RILPL2: variants seen among roughly 807,000 people sequenced by gnomAD.
RILPL2 encodes RILP-like protein 2.
In RILPL2, 19 loss-of-function variants were observed where a neutral mutation model predicts 22.2. That is an observed-to-expected ratio of 0.86 (90% CI 0.60 to 1.25). RILPL2 has a LOEUF of 1.25. RILPL2 is among the 50% of genes most tolerant of loss of function. The probability of loss-of-function intolerance (pLI) is 0.00; values close to 1 mark genes in which losing one functional copy is unlikely to be tolerated. For synonymous variants in RILPL2, 123 were observed against 111.6 expected, an observed-to-expected ratio of 1.10 and a Z score of -0.64; for missense variants, 243 against 263.6, an observed-to-expected ratio of 0.92 and a Z score of 0.54.
At chr12:123,435,996 A>C in intron 1 of RILPL2, 86 bp downstream of exon 1, 1 of 1,464,536 alleles carries the variant, frequency 6.8e-7, no homozygotes, top group Non-Finnish European at 9.0e-7. Context: ...AGAAGAGAAA[A>C]GAAAAGGAAG....
At chr12:123,432,061 A>AT (rs1258778057) in intron 1 of RILPL2, among the ~76,000 whole-genome samples, 1 of 151,186 alleles carries the variant, frequency 6.6e-6, no homozygotes, top group African/African-American at 2.4e-5. Flanking sequence ...AGCCCAGCTA[A>AT]TTTTTTGTAT....
intron 3 of RILPL2, among the ~76,000 whole-genome samples, chr12:123,417,231 G>A (rs1879142794): frequency 6.6e-6 from 1 of 151,484 alleles, no homozygotes; most frequent in Non-Finnish European, 1.5e-5. Context: ...ACTGGGAGGC[G>A]GAGGTTGCAG....
Position 123,426,821 on chromosome 12 carries a change from C to A in RILPL2, c.492-3664G>T, listed in dbSNP as rs572709057. On this transcript the variant is annotated intron_variant, in intron 2 of 3. Coordinates refer to ENST00000280571, the MANE Select transcript of RILPL2 (RefSeq NM_145058.3). ...GTTTCACTGTGTTAGCCAGGATGGT[C>A]TCGATCTCCTGACCTCGTGATCTGC... 4.2e-4 allele frequency among the ~76,000 whole-genome samples: 64 copies of A among 151,640 alleles called. 2 individuals carry two copies. The highest frequency in any genetic ancestry group is 3.4e-3 in the Middle Eastern group (1 of 290).
chr12:123,410,923 A>G (rs1878955093), downstream of RILPL2: 1 of 152,120 alleles, frequency 6.6e-6, no homozygotes, highest in African/African-American at 2.4e-5. Flanking sequence ...GGGTCTCACT[A>G]TGTTGCCCAA....
chr12:123,415,532 A>G lies in RILPL2; in HGVS notation c.*359T>C, dbSNP rs1879091951. 3.7e-6 allele frequency: 1 copy of G among 269,666 alleles called. No individual in the cohort carries two copies. Among genetic ancestry groups the G allele is most frequent in the Non-Finnish European group, 7.0e-6 (1 of 142,422 alleles). 16.7% of individuals were successfully genotyped at this position (269,666 alleles called of 1,614,324 possible). A position where few individuals can be genotyped will look rare whatever the true frequency, so the allele number is the denominator to read the frequency against. On this transcript the variant is annotated 3_prime_UTR_variant, in exon 4 of 4. Coordinates refer to ENST00000280571, the MANE Select transcript of RILPL2 (RefSeq NM_145058.3). ...CCTGCTTTCTTTTCTCCCTTCTGCT[A>G]ACCATTGAAGACCAGGGTCATCCGT...
chr12:123,436,450 C>G lies in RILPL2; in HGVS notation c.-30G>C. ...ACCCAGACCCCCGCCGACCTCGGAG[C>G]TGCTGTCTTGGAGTCTCCCAAAGGT... is the stretch of plus-strand genomic sequence containing the variant. On this transcript the variant is annotated 5_prime_UTR_variant, in exon 1 of 4. Coordinates refer to ENST00000280571, the MANE Select transcript of RILPL2 (RefSeq NM_145058.3). The surrounding 1 kb of genome is among the most constrained non-coding windows in gnomAD (Gnocchi z 6.7). 3.2e-6 allele frequency: 5 copies of G among 1,538,738 alleles called. No individual in the cohort carries two copies. Among genetic ancestry groups the G allele is most frequent in the Non-Finnish European group, 4.4e-6 (5 of 1,145,142 alleles).
At chr12:123,425,654 C>CTTTT (rs531039648) in intron 2 of RILPL2, among the ~76,000 whole-genome samples, 2 of 141,686 alleles carry the variant, frequency 1.4e-5, no homozygotes, top group African/African-American at 5.2e-5. Flanking sequence ...TTAATATCTA[C>CTTTT]TTTTTTTTTT....
chr12:123,409,550 C>CCTT, the RILPL2 span, among the ~76,000 whole-genome samples: 1 of 122,186 alleles, frequency 8.2e-6, no homozygotes, highest in East Asian at 3.5e-4. Flanking sequence ...AAAGTTAATG[C>CCTT]TTTTTTTTTT....
intron 3 of RILPL2, among the ~76,000 whole-genome samples, chr12:123,422,136 T>C (rs1200267860): frequency 1.3e-5 from 2 of 151,244 alleles, no homozygotes; most frequent in Non-Finnish European, 2.9e-5. Flanking sequence ...CTCATCCTCC[T>C]GAGTAGCTGG....
In RILPL2 at chr12:123,436,521, T is replaced by C. The variant is rs1200487229; in HGVS notation, c.-101A>G. On this transcript the variant is annotated 5_prime_UTR_variant, in exon 1 of 4. Coordinates refer to ENST00000280571, the MANE Select transcript of RILPL2 (RefSeq NM_145058.3). The surrounding 1 kb of genome is among the most constrained non-coding windows in gnomAD (Gnocchi z 6.7). ...AAAACTTTCCGCTGGGCAGAGTCCC[T>C]ACCTGCCCAATCAGCGCGGCCCGGG... 2 of 1,456,450 alleles carry C rather than the reference T, an allele frequency of 1.4e-6. No individual in the cohort carries two copies. Among genetic ancestry groups the C allele is most frequent in the Non-Finnish European group, 1.8e-6 (2 of 1,103,174 alleles). 90.2% of individuals were successfully genotyped at this position (1,456,450 alleles called of 1,614,324 possible).
At chr12:123,428,936 T>A (rs959840199) in intron 2 of RILPL2, among the ~76,000 whole-genome samples, 11 of 152,172 alleles carry the variant, frequency 7.2e-5, no homozygotes, top group African/African-American at 2.7e-4. Flanking sequence ...TAAGAAAACA[T>A]GCTTCGTTTA....
intron 1 of RILPL2, among the ~76,000 whole-genome samples, chr12:123,431,277 T>A (rs1180112165): frequency 6.6e-6 from 1 of 151,898 alleles, no homozygotes; most frequent in Non-Finnish European, 1.5e-5. Flanking sequence ...TTGAGGACAT[T>A]GTGCTGAGTG....
At chr12:123,430,083 G>A (rs1024985253) in intron 2 of RILPL2, among the ~76,000 whole-genome samples, 4 of 106,168 alleles carry the variant, frequency 3.8e-5, no homozygotes, top group Admixed American at 1.4e-4. Context: ...ACCACTGGGC[G>A]ACAGGGTGAG....
At chr12:123,425,920 G>A (rs1879431731) in intron 2 of RILPL2, among the ~76,000 whole-genome samples, 1 of 152,028 alleles carries the variant, frequency 6.6e-6, no homozygotes, top group South Asian at 2.1e-4. Flanking sequence ...CCAAAGTGCT[G>A]GGATTACAGG....
At position 123,415,700 on chromosome 12, in the gene RILPL2, G is replaced by C; in HGVS notation, c.*191C>G. The C allele has an allele frequency of 1.4e-6, 1 of 699,782 alleles. No homozygotes were observed. The highest frequency in any genetic ancestry group is 2.6e-6 in the Non-Finnish European group (1 of 387,700). The allele number at this position is 699,782 out of a possible 1,614,324, so 43.3% of individuals were successfully genotyped here. A position where few individuals can be genotyped will look rare whatever the true frequency, so the allele number is the denominator to read the frequency against. Reference sequence around the variant, plus strand: ...ACTGGCCCAGGCCAAATCTTCAAGGGTGTCTAGTTCTGCAGCCAGGGAGAA... The same window carrying C: ...ACTGGCCCAGGCCAAATCTTCAAGGCTGTCTAGTTCTGCAGCCAGGGAGAA... On this transcript the variant is annotated 3_prime_UTR_variant, in exon 4 of 4. Coordinates refer to ENST00000280571, the MANE Select transcript of RILPL2 (RefSeq NM_145058.3).
intron 1 of RILPL2, among the ~76,000 whole-genome samples, chr12:123,430,878 T>C (rs1252984531): frequency 1.3e-5 from 2 of 152,136 alleles, no homozygotes; most frequent in Non-Finnish European, 2.9e-5. Flanking sequence ...TTTGTATTTT[T>C]ATTAGAGATG....
chr12:123,435,754 T>G (rs1029224739), intron 1 of RILPL2, among the ~76,000 whole-genome samples: 1 of 151,810 alleles, frequency 6.6e-6, no homozygotes, highest in Admixed American at 6.6e-5. Context: ...AAAAAAAAAG[T>G]GTTTCTTGCT....
At chr12:123,426,328 T>C (rs1234346564) in intron 2 of RILPL2, among the ~76,000 whole-genome samples, 1 of 151,986 alleles carries the variant, frequency 6.6e-6, no homozygotes, top group Non-Finnish European at 1.5e-5. Context: ...TTTGTATTTT[T>C]AGTATTGACG....
chr12:123,431,494 C>T (rs184522036), intron 1 of RILPL2, among the ~76,000 whole-genome samples: 116 of 152,094 alleles, frequency 7.6e-4, no homozygotes, highest in South Asian at 5.4e-3. Flanking sequence ...TGCACAACAG[C>T]GTGAATGGAC....
Sources: gnomAD v4.1 joint callset for allele counts (sites outside exome capture counted in the v4.1 genomes callset) on GRCh38, gnomAD v4.1.1 for gene constraint, Gnocchi (gnomAD v3.1) non-coding constraint, MANE v1.5 for transcripts, NCBI Gene and HGNC (gene_info 2026-07-23, HGNC 2026-07-21) for gene names.